ST3GAL3: variants seen among roughly 807,000 people sequenced by gnomAD.
ST3GAL3 encodes the protein CMP-N-acetylneuraminate-beta-1,4-galactoside alpha-2,3-sialyltransferase.
Under a neutral mutation model 50.1 loss-of-function variants are expected in ST3GAL3, and 21 were observed. The ratio of observed to expected loss-of-function variants is 0.42; its 90% CI spans 0.30 to 0.60. The LOEUF (loss-of-function observed/expected upper bound fraction) is 0.60. Among genes scored for constraint, ST3GAL3 ranks in the 20% least tolerant of loss-of-function variants. ST3GAL3 has a pLI of 0.19. For missense variants in ST3GAL3, 353 were observed against 489.4 expected, an observed-to-expected ratio of 0.72 and a Z score of 2.63; for synonymous variants, 183 against 190.0, an observed-to-expected ratio of 0.96 and a Z score of 0.30.
chr1:43,880,615 T>C (rs1367696750), intron 5 of ST3GAL3, among the ~76,000 whole-genome samples: 3 of 152,138 alleles, frequency 2.0e-5, no homozygotes, highest in Non-Finnish European at 4.4e-5. Flanking sequence ...TCCATTCCAC[T>C]TCTGTCCTCT....
chr1:43,830,334 GC>G, intron 4 of ST3GAL3, among the ~76,000 whole-genome samples: 1 of 151,946 alleles, frequency 6.6e-6, no homozygotes, highest in East Asian at 1.9e-4. Context: ...ACCACACCTG[GC>G]CCCCCAAAAA....
At chr1:43,911,653 G>A (rs1427698861) in intron 9 of ST3GAL3, among the ~76,000 whole-genome samples, 4 of 145,660 alleles carry the variant, frequency 2.7e-5, no homozygotes, top group African/African-American at 8.1e-5. Context: ...AGATATATCT[G>A]TAGCTATAGA....
At chr1:43,859,679 T>C (rs2069410815) in intron 5 of ST3GAL3, among the ~76,000 whole-genome samples, 1 of 152,194 alleles carries the variant, frequency 6.6e-6, no homozygotes. Context: ...CGGAACTTGC[T>C]CTAAGAAGCA....
intron 9 of ST3GAL3, among the ~76,000 whole-genome samples, chr1:43,901,927 G>A (rs929896801): frequency 6.6e-6 from 1 of 152,218 alleles, no homozygotes; most frequent in African/African-American, 2.4e-5. Flanking sequence ...GGAATGCCGG[G>A]GTTGCCCGTG....
intron 5 of ST3GAL3, among the ~76,000 whole-genome samples, chr1:43,848,299 T>TC (rs1242857194): frequency 7.0e-6 from 1 of 143,354 alleles, no homozygotes; most frequent in African/African-American, 2.6e-5. Context: ...GTTTTCTTTT[T>TC]TTTTTTTTTT....
chr1:43,862,664 T>A (rs2070288198), intron 5 of ST3GAL3, among the ~76,000 whole-genome samples: 1 of 151,484 alleles, frequency 6.6e-6, no homozygotes, highest in Admixed American at 6.6e-5. Context: ...TCCCAACACT[T>A]TGGGAGGCTG....
intron 1 of ST3GAL3, chr1:43,727,239 C>T (rs1673366449): frequency 6.6e-6 from 1 of 152,006 alleles, no homozygotes; most frequent in South Asian, 2.1e-4. Flanking sequence ...TTACCTTACG[C>T]CTTCTCTGCC....
At chr1:43,898,396 C>T in intron 7 of ST3GAL3, 98 bp downstream of exon 7, 1 of 1,225,094 alleles carries the variant, frequency 8.2e-7, no homozygotes, top group Non-Finnish European at 1.2e-6. Flanking sequence ...GGCAGTTTCT[C>T]CAGCACATCC....
intron 2 of ST3GAL3, among the ~76,000 whole-genome samples, chr1:43,781,384 C>T (rs184160883): frequency 1.6e-4 from 25 of 152,076 alleles, no homozygotes; most frequent in African/African-American, 5.5e-4. Flanking sequence ...TGGGAGGCAG[C>T]GGATCATTTG....
At chr1:43,838,639 G>A (rs557824602) in intron 5 of ST3GAL3, 1 of 326,736 alleles carries the variant, frequency 3.1e-6, no homozygotes, top group African/African-American at 2.1e-5. Flanking sequence ...CCTAGTATCA[G>A]TGGCCAAAGA....
In ST3GAL3 at chr1:43,755,534, C is replaced by G. The variant is rs74884472; in HGVS notation, c.118+19154C>G. On this transcript the variant is annotated intron_variant, in intron 2 of 11. Coordinates refer to ENST00000347631, the MANE Select transcript of ST3GAL3 (RefSeq NM_006279.5). Reference sequence around the variant, plus strand: ...CAGAACTTACCAGAAACATGCATTACTTGTGAACCCAGTGAGTTAGAGGAT... The same window carrying G: ...CAGAACTTACCAGAAACATGCATTAGTTGTGAACCCAGTGAGTTAGAGGAT... Among the ~76,000 whole-genome samples, 807 of 152,258 alleles carry G rather than the reference C, an allele frequency of 5.3e-3. 16 individuals carry two copies. Among genetic ancestry groups the G allele is most frequent in the African/African-American group, 0.018 (750 of 41,534 alleles).
chr1:43,781,412 C>G (rs756683922), intron 2 of ST3GAL3, among the ~76,000 whole-genome samples: 2 of 151,986 alleles, frequency 1.3e-5, no homozygotes, highest in Non-Finnish European at 2.9e-5. Flanking sequence ...GAATTTGAAA[C>G]CAGCCTGGGC....
At chr1:43,851,384 G>A in intron 5 of ST3GAL3, 1 of 1,603,190 alleles carries the variant, frequency 6.2e-7, no homozygotes, top group Non-Finnish European at 8.5e-7. Context: ...GGGAGCCTGA[G>A]CAAGGCTGGA....
rs199996868 is a variant in ST3GAL3 at position 43,899,577 on chromosome 1, C to T, written c.594C>T (p.Asp198=). The T allele has an allele frequency of 4.2e-5, 68 of 1,613,798 alleles. No individual in the cohort carries two copies. Among genetic ancestry groups the T allele is most frequent in the South Asian group, 2.6e-4 (24 of 91,086 alleles). ...NSAPVKGFEK[D]VGSKTTLRIT... ...CACCAGTGAAAGGCTTTGAGAAGGA[C>T]GTGGGCAGCAAAACGACACTGCGCA... Residue 198 remains aspartate, a synonymous_variant, in exon 9 of 12, where the codon GAC becomes GAT. Transcript: ENST00000347631. The surrounding 1 kb of genome is among the most constrained non-coding windows in gnomAD (Gnocchi z 5.4).
At chr1:43,813,903 G>GCGCA (rs1558417881) in intron 3 of ST3GAL3, among the ~76,000 whole-genome samples, 3 of 125,772 alleles carry the variant, frequency 2.4e-5, no homozygotes, top group South Asian at 2.7e-4. Flanking sequence ...ACGCACACAC[G>GCGCA]CACACACACA....
At chr1:43,866,436 T>G (rs1039243810) in intron 5 of ST3GAL3, among the ~76,000 whole-genome samples, 1 of 151,988 alleles carries the variant, frequency 6.6e-6, no homozygotes, top group Non-Finnish European at 1.5e-5. Context: ...CAAAAAAATT[T>G]AGCCACATGT....
At chr1:43,821,515 G>A (rs1453596884) in intron 4 of ST3GAL3, among the ~76,000 whole-genome samples, 1 of 152,204 alleles carries the variant, frequency 6.6e-6, no homozygotes, top group African/African-American at 2.4e-5. Flanking sequence ...AATGTGGACC[G>A]TGCCAGGGGA....
chr1:43,857,778 G>A (rs1412905582), intron 5 of ST3GAL3, among the ~76,000 whole-genome samples: 1 of 152,022 alleles, frequency 6.6e-6, no homozygotes, highest in African/African-American at 2.4e-5. Flanking sequence ...ACTATGTCCA[G>A]CTAATTTTTG....
chr1:43,865,203 A>G (rs1450323924), intron 5 of ST3GAL3, among the ~76,000 whole-genome samples: 1 of 151,904 alleles, frequency 6.6e-6, no homozygotes, highest in African/African-American at 2.4e-5. Flanking sequence ...TATTTTTAAT[A>G]GAGACGGGGT....
Sources: allele counts gnomAD v4.1 joint callset (sites outside exome capture counted in the v4.1 genomes callset), GRCh38; gene constraint gnomAD v4.1.1; non-coding constraint Gnocchi (gnomAD v3.1); transcripts MANE v1.5; gene names NCBI Gene and HGNC (gene_info 2026-07-23, HGNC 2026-07-21).